The following CD101 variants were observed in gnomAD, a reference collection of about 807,000 sequenced individuals.
CD101 encodes immunoglobulin superfamily member 2.
Under a neutral mutation model 98.2 loss-of-function variants are expected in CD101, and 76 were observed. The observed-to-expected ratio is 0.77, with a 90% confidence interval of 0.64 to 0.94. The LOEUF (loss-of-function observed/expected upper bound fraction) is 0.94, where lower values mean the gene tolerates loss of function less well. Among genes scored for constraint, CD101 ranks in the 40% least tolerant of loss-of-function variants. The probability of loss-of-function intolerance (pLI) is 0.00; values close to 1 mark genes in which losing one functional copy is unlikely to be tolerated. For synonymous variants in CD101, 471 were observed against 472.7 expected, an observed-to-expected ratio of 1.00 and a Z score of 0.05; for missense variants, 1,145 against 1,218.8, an observed-to-expected ratio of 0.94 and a Z score of 0.90.
Position 117,004,853 on chromosome 1 carries a change from G to A in CD101, c.43+2993G>A, listed in dbSNP as rs1419418530. On this transcript the variant is annotated intron_variant, in intron 1 of 9. Transcript: ENST00000682167. This position sits in a 1 kb window ranked among gnomAD's most constrained non-coding sequence, Gnocchi z 4.1. ...GACTGTTTGGCGTGTTGTAGCAAAA[G>A]TACCATAAACTGGGGCGGGTGGGGG... is the stretch of plus-strand genomic sequence containing the variant. Among the ~76,000 whole-genome samples, 4 of 140,094 alleles carry A rather than the reference G, an allele frequency of 2.9e-5. No individual in the cohort carries two copies. Among genetic ancestry groups the A allele is most frequent in the Non-Finnish European group, 6.2e-5 (4 of 64,876 alleles). The allele number at this position is 140,094 out of a possible 152,430, so 91.9% of individuals were successfully genotyped here.
Position 117,025,704 on chromosome 1 carries a change from A to T in CD101, c.2624A>T (p.Glu875Val). 6.2e-7 allele frequency: 1 copy of T among 1,614,124 alleles called. No individual in the cohort carries two copies. Among genetic ancestry groups the T allele is most frequent in the Non-Finnish European group, 8.5e-7 (1 of 1,180,018 alleles). Residue 875 changes from glutamate (E) to valine (V), a missense_variant, in exon 8 of 10, where the codon GAA becomes GTA. Coordinates refer to ENST00000682167, the MANE Select transcript of CD101 (RefSeq NM_001256106.3). The stretch of plus-strand genomic sequence containing the variant: ...CATGATGGCTTGCTGGAGTATGGGG[A>T]AGAGGGGCTCAGGAGGCACCTGCAC... ...LQHDGLLEYG[E>V]EGLRRHLHCY...
intron 8 of CD101, among the ~76,000 whole-genome samples, chr1:117,030,923 C>T (rs1570748812): frequency 6.6e-6 from 1 of 152,302 alleles, no homozygotes; most frequent in African/African-American, 2.4e-5. Flanking sequence ...GGTGGAAGCA[C>T]GTTCTAAACT....
chr1:117,014,473 C>T (rs1446779137), intron 4 of CD101, among the ~76,000 whole-genome samples: 4 of 152,056 alleles, frequency 2.6e-5, no homozygotes, highest in Admixed American at 6.6e-5. Flanking sequence ...GGTGAGACGC[C>T]GGTCCAAATG....
At chr1:117,029,918 G>C (rs1415751423) in intron 8 of CD101, among the ~76,000 whole-genome samples, 2 of 152,190 alleles carry the variant, frequency 1.3e-5, no homozygotes, top group Non-Finnish European at 2.9e-5. Flanking sequence ...ACTAAGCTAT[G>C]GCAGAGACAA....
At position 117,018,028 on chromosome 1, in the gene CD101, T is replaced by C; in HGVS notation, c.1613-128T>C. On this transcript the variant is annotated intron_variant, in intron 5 of 9. Transcript: ENST00000682167. This position sits in a 1 kb window ranked among gnomAD's most constrained non-coding sequence, Gnocchi z 4.3. ...GTACTGGGAATCAATTTCTACTCTA[T>C]AAAATAGGAAACTCCAAATGTACAA... 1.1e-6 allele frequency: 1 copy of C among 920,042 alleles called. No homozygotes were observed. Among genetic ancestry groups the C allele is most frequent in the Admixed American group, 3.1e-5 (1 of 32,674 alleles). The allele number at this position is 920,042 out of a possible 1,614,324, so 57.0% of individuals were successfully genotyped here. A position where few individuals can be genotyped will look rare whatever the true frequency, so the allele number is the denominator to read the frequency against.
At chr1:117,017,837 G>T (rs1303613222) in intron 5 of CD101, among the ~76,000 whole-genome samples, 2 of 152,202 alleles carry the variant, frequency 1.3e-5, no homozygotes, top group Non-Finnish European at 2.9e-5. Context: ...ACGCATGGGG[G>T]TAAGGGAAGG....
At position 117,011,938 on chromosome 1, in the gene CD101, T is replaced by C. The variant is rs1392304255; in HGVS notation, c.813T>C (p.Asp271=). 11 of 1,613,632 alleles carry C rather than the reference T, an allele frequency of 6.8e-6. No individual in the cohort carries two copies. The part of the protein sequence containing the change: ...TWMFITKKQT[D]QTTLRIQPAV... Reference sequence around the variant, plus strand: ...TGTTCATCACCAAAAAGCAGACCGATCAAACCACTCTGAGGATCCAGCCAG... The same window carrying C: ...TGTTCATCACCAAAAAGCAGACCGACCAAACCACTCTGAGGATCCAGCCAG... The change falls in exon 3 of 10, where the codon GAT becomes GAC. Residue 271 remains aspartate (D), a synonymous_variant. Coordinates refer to ENST00000682167, the MANE Select transcript of CD101 (RefSeq NM_001256106.3).
rs1654612246 is a variant in CD101, at chr1:117,033,740, A to G, written c.2825-120A>G. 5.2e-6 allele frequency: 7 copies of G among 1,340,818 alleles called. No individual in the cohort carries two copies. Among genetic ancestry groups the G allele is most frequent in the Non-Finnish European group, 6.2e-6 (6 of 973,888 alleles). The allele number at this position is 1,340,818 out of a possible 1,614,324, so 83.1% of individuals were successfully genotyped here. On this transcript the variant is annotated intron_variant, in intron 8 of 9. Transcript: ENST00000682167. This position sits in a 1 kb window ranked among gnomAD's most constrained non-coding sequence, Gnocchi z 4.8. ...CTCATGATTTCAGGGGCCCACTGCT[A>G]TTTGGCCCCATTATTTTTACATATA...
chr1:117,016,458 A>G (rs1228840621), intron 4 of CD101, among the ~76,000 whole-genome samples: 1 of 152,164 alleles, frequency 6.6e-6, no homozygotes, highest in African/African-American at 2.4e-5. Context: ...AGGCTCTTAT[A>G]TCTACCCTAA....
intron 8 of CD101, chr1:117,032,050 G>A (rs575677801): frequency 6.6e-6 from 1 of 152,316 alleles, no homozygotes; most frequent in East Asian, 1.9e-4. Context: ...TGGAAGAGGG[G>A]TCAGATAGGA....
Position 117,021,263 on chromosome 1 carries a change from C to T in CD101, c.2018-310C>T, listed in dbSNP as rs2101137023. Among the ~76,000 whole-genome samples, 1 of 152,300 alleles carries T rather than the reference C, an allele frequency of 6.6e-6. No homozygotes were observed. Among genetic ancestry groups the T allele is most frequent in the African/African-American group, 2.4e-5 (1 of 41,556 alleles). The stretch of plus-strand genomic sequence containing the variant: ...ATACTGGGCTTGTCTGTGTGACACT[C>T]CCTCTGCCACACCACCCCTACCAAG... On this transcript the variant is annotated intron_variant, in intron 6 of 9. Coordinates refer to ENST00000682167, the MANE Select transcript of CD101 (RefSeq NM_001256106.3). The surrounding 1 kb of genome is among the most constrained non-coding windows in gnomAD (Gnocchi z 4.7).
chr1:117,002,360 T>A (rs1054176950), intron 1 of CD101, among the ~76,000 whole-genome samples: 2 of 152,232 alleles, frequency 1.3e-5, no homozygotes, highest in African/African-American at 4.8e-5. Context: ...AAGTGGAAAT[T>A]GACTACTGAG....
At chr1:117,027,290 C>T (rs549110088) in intron 8 of CD101, among the ~76,000 whole-genome samples, 5 of 152,274 alleles carry the variant, frequency 3.3e-5, no homozygotes, top group East Asian at 3.9e-4. Context: ...ATATCAGGTT[C>T]TGAGGCCACA....
chr1:117,031,980 G>A (rs562902762), intron 8 of CD101: 141 of 152,242 alleles, frequency 9.3e-4, no homozygotes, highest in African/African-American at 3.2e-3. Flanking sequence ...TTCTAGCCAC[G>A]GGCCTTCAAA....
chr1:117,017,104 A>T lies in CD101; in HGVS notation c.1243A>T (p.Met415Leu). 1 of 1,613,632 alleles carries T rather than the reference A, an allele frequency of 6.2e-7. No homozygotes were observed. The highest frequency in any genetic ancestry group is 8.5e-7 in the Non-Finnish European group (1 of 1,179,672). Residue 415 changes from methionine (M) to leucine (L), a missense_variant, in exon 5 of 10, where the codon ATG (methionine) becomes TTG (leucine). By Grantham distance (15) the Met-to-Leu change is conservative. Coordinates refer to ENST00000682167, the MANE Select transcript of CD101 (RefSeq NM_001256106.3). ...LRKPAARSVVMSTKNKQQVVW... is the reference protein window; with the variant it reads ...LRKPAARSVVLSTKNKQQVVW... Reference sequence around the variant, plus strand: ...GTAACTCACAGCAAGAAGTGTGGTCATGTCTACCAAGAACAAGCAGCAAGT... The same window carrying T: ...GTAACTCACAGCAAGAAGTGTGGTCTTGTCTACCAAGAACAAGCAGCAAGT...
At chr1:117,007,851 T>C (rs1450736669) in intron 1 of CD101, among the ~76,000 whole-genome samples, 1 of 152,264 alleles carries the variant, frequency 6.6e-6, no homozygotes, top group African/African-American at 2.4e-5. Context: ...TTTTTGTTTC[T>C]ATATAACATT....
intron 7 of CD101, among the ~76,000 whole-genome samples, chr1:117,024,816 G>A (rs1422031214): frequency 2.6e-5 from 4 of 152,182 alleles, no homozygotes; most frequent in African/African-American, 9.7e-5. Context: ...TGCTAAGAAT[G>A]AGGGGTACTG....
chr1:117,020,067 G>A (rs1367045678), intron 6 of CD101, among the ~76,000 whole-genome samples: 1 of 151,898 alleles, frequency 6.6e-6, no homozygotes, highest in Non-Finnish European at 1.5e-5. Context: ...TGCATCTTTT[G>A]TGTGGCAATC....
chr1:117,016,227 A>G (rs1056594870), intron 4 of CD101, among the ~76,000 whole-genome samples: 1 of 148,262 alleles, frequency 6.7e-6, no homozygotes, highest in African/African-American at 2.4e-5. Flanking sequence ...TATAAAATGT[A>G]TATGTATATA....
Sources: gnomAD v4.1 joint callset for allele counts (sites outside exome capture counted in the v4.1 genomes callset) on GRCh38, gnomAD v4.1.1 for gene constraint, Gnocchi (gnomAD v3.1) non-coding constraint, MANE v1.5 for transcripts, NCBI Gene and HGNC (gene_info 2026-07-23, HGNC 2026-07-21) for gene names.